SSH2: variants seen among roughly 807,000 people sequenced by gnomAD.
SSH2 encodes protein phosphatase Slingshot homolog 2.
A neutral mutation model predicts 135.2 loss-of-function variants in SSH2; 37 were observed. The observed-to-expected ratio is 0.27, with a 90% CI of 0.21 to 0.36. The LOEUF (loss-of-function observed/expected upper bound fraction) is 0.36. SSH2 is among the 10% of genes least tolerant of loss of function. The probability of loss-of-function intolerance (pLI) is 1.00; values close to 1 mark genes in which losing one functional copy is unlikely to be tolerated. For synonymous variants in SSH2, 628 were observed against 646.2 expected (o/e 0.97, Z 0.43); for missense variants, 1,408 against 1,765.3 (o/e 0.80, Z 3.63).
intron 3 of SSH2, among the ~76,000 whole-genome samples, chr17:29,748,326 C>T (rs1005632581): frequency 5.3e-5 from 8 of 152,254 alleles, no homozygotes; most frequent in African/African-American, 1.9e-4. Context: ...ACTGTTCTTT[C>T]ACATTTGAAG....
At chr17:29,900,749 T>C (rs1202856690) in intron 1 of SSH2, among the ~76,000 whole-genome samples, 1 of 152,140 alleles carries the variant, frequency 6.6e-6, no homozygotes, top group East Asian at 1.9e-4. Context: ...GAACTAGAAA[T>C]ACCATTTGAC....
chr17:29,709,216 C>A (rs2151142385), intron 3 of SSH2, among the ~76,000 whole-genome samples: 1 of 152,126 alleles, frequency 6.6e-6, no homozygotes, highest in South Asian at 2.1e-4. Context: ...TGCCTAAAAT[C>A]TATACAGCTA....
chr17:29,742,493 T>TTG (rs1455967755), intron 3 of SSH2, among the ~76,000 whole-genome samples: 6 of 147,072 alleles, frequency 4.1e-5, no homozygotes, highest in South Asian at 2.2e-4. Context: ...TTTTTTTTTT[T>TTG]TTTTTTTCTT....
At chr17:29,841,366 C>T (rs2043038429) in intron 2 of SSH2, among the ~76,000 whole-genome samples, 2 of 152,122 alleles carry the variant, frequency 1.3e-5, no homozygotes, top group Non-Finnish European at 2.9e-5. Flanking sequence ...CTCTAGCTCC[C>T]TAGCAATGTT....
intron 3 of SSH2, among the ~76,000 whole-genome samples, chr17:29,781,739 A>G (rs1483053587): frequency 6.6e-6 from 1 of 151,616 alleles, no homozygotes; most frequent in East Asian, 1.9e-4. Context: ...CAGCTTCCCA[A>G]AGTGCTGGGA....
chr17:29,747,016 C>G (rs978285723), intron 3 of SSH2, among the ~76,000 whole-genome samples: 2 of 152,140 alleles, frequency 1.3e-5, no homozygotes, highest in South Asian at 2.1e-4. Context: ...CTTGAAATAT[C>G]CTGTTATGGA....
chr17:29,849,466 G>T (rs1448089721), intron 1 of SSH2, among the ~76,000 whole-genome samples: 1 of 131,150 alleles, frequency 7.6e-6, no homozygotes, highest in Middle Eastern at 4.7e-3. Context: ...GCGACAGAGC[G>T]AGACTCCGTC....
intron 4 of SSH2, among the ~76,000 whole-genome samples, chr17:29,700,960 T>C (rs1199084972): frequency 6.6e-6 from 1 of 151,276 alleles, no homozygotes; most frequent in Non-Finnish European, 1.5e-5. Flanking sequence ...TGCTAATTTT[T>C]GTATTTTTTT....
chr17:29,836,043 AT>A (rs1232832175), intron 2 of SSH2, among the ~76,000 whole-genome samples: 1 of 151,600 alleles, frequency 6.6e-6, no homozygotes, highest in Non-Finnish European at 1.5e-5. Context: ...TTATTTATAA[AT>A]TTTATAATGC....
chr17:29,701,960 T>C (rs969821281), intron 4 of SSH2, among the ~76,000 whole-genome samples: 9 of 148,276 alleles, frequency 6.1e-5, no homozygotes, highest in Non-Finnish European at 1.3e-4. Context: ...AGTCCTTGAC[T>C]CAGGCAATCC....
chr17:29,753,879 C>T lies in SSH2; in HGVS notation c.188+40015G>A, dbSNP rs548924310. Among the ~76,000 whole-genome samples the T allele has an allele frequency of 1.7e-4, 25 of 150,886 alleles. 1 individual carries two copies. In the South Asian group the frequency reaches 5.0e-3, roughly 30 times the overall value. On this transcript the variant is annotated intron_variant, in intron 3 of 15. Coordinates refer to ENST00000540801, the MANE Select transcript of SSH2 (RefSeq NM_001282129.2). Reference sequence around the variant, plus strand: ...TATCAAATTTTTAACATATATACAACATTAGGTCCAGCAATTCCACCGCTA... The same window carrying T: ...TATCAAATTTTTAACATATATACAATATTAGGTCCAGCAATTCCACCGCTA...
At chr17:29,727,309 T>A (rs1178719748) in intron 3 of SSH2, among the ~76,000 whole-genome samples, 3 of 152,204 alleles carry the variant, frequency 2.0e-5, no homozygotes. Flanking sequence ...AGAAGACAAG[T>A]GAATTTTACA....
chr17:29,786,140 C>T (rs2041960022), intron 3 of SSH2, among the ~76,000 whole-genome samples: 1 of 152,178 alleles, frequency 6.6e-6, no homozygotes, highest in South Asian at 2.1e-4. Context: ...GGCTATTCCC[C>T]GGTCAGCAAA....
chr17:29,928,777 T>G (rs2067117129), intron 1 of SSH2, among the ~76,000 whole-genome samples: 1 of 150,634 alleles, frequency 6.6e-6, no homozygotes, highest in Admixed American at 6.7e-5. Flanking sequence ...AGCTCACACC[T>G]CAGTTAACAT....
rs1044534021 is a variant in SSH2 at position 29,835,924 on chromosome 17, A to G, written c.144+12925T>C. Among the ~76,000 whole-genome samples, 15 of 148,420 alleles carry G rather than the reference A, an allele frequency of 1.0e-4. No individual in the cohort carries two copies. The South Asian group carries it at 3.2e-3, about 31-fold the overall frequency. ...CAGTGAGCTGAGATCACGCCACTGC[A>G]CTCCAGCCTGGGCGATAGAGCAAGA... On this transcript the variant is annotated intron_variant, in intron 2 of 15. Coordinates refer to ENST00000540801, the MANE Select transcript of SSH2 (RefSeq NM_001282129.2).
intron 1 of SSH2, among the ~76,000 whole-genome samples, chr17:29,903,170 G>A (rs1895364892): frequency 6.6e-6 from 1 of 150,738 alleles, no homozygotes; most frequent in South Asian, 2.1e-4. Context: ...TGGGCAAAGA[G>A]CAAGACTCTG....
chr17:29,830,234 CT>C (rs2042822144), intron 2 of SSH2, among the ~76,000 whole-genome samples: 1 of 152,158 alleles, frequency 6.6e-6, no homozygotes, highest in African/African-American at 2.4e-5. Context: ...CCCTTATTTT[CT>C]TTGTTCCAGC....
At chr17:29,746,730 A>G (rs913953137) in intron 3 of SSH2, among the ~76,000 whole-genome samples, 4 of 152,090 alleles carry the variant, frequency 2.6e-5, no homozygotes, top group African/African-American at 9.7e-5. Flanking sequence ...GTTGTAAGTG[A>G]TATTTATTTA....
chr17:29,734,893 G>C (rs2040315324), intron 3 of SSH2, among the ~76,000 whole-genome samples: 1 of 152,124 alleles, frequency 6.6e-6, no homozygotes, highest in South Asian at 2.1e-4. Flanking sequence ...CTTTCAGCTT[G>C]GGGAAATCAT....
Sources: gnomAD v4.1 joint callset for allele counts (sites outside exome capture counted in the v4.1 genomes callset) on GRCh38, gnomAD v4.1.1 for gene constraint, MANE v1.5 for transcripts, NCBI Gene and HGNC (gene_info 2026-07-23, HGNC 2026-07-21) for gene names.